Variants in DROSHA observed in about 807,000 individuals in gnomAD.
DROSHA encodes ribonuclease 3.
DROSHA carries 56 observed loss-of-function variants against 181.9 expected under a neutral mutation model. The ratio of observed to expected loss-of-function variants is 0.31; its 90% CI spans 0.25 to 0.38. The LOEUF (loss-of-function observed/expected upper bound fraction) is 0.38. Ranked by LOEUF, DROSHA falls within the 10% of genes least tolerant of loss-of-function variation. The pLI is 1.00. For synonymous variants in DROSHA, 524 were observed against 591.2 expected, an observed-to-expected ratio of 0.89 and a Z score of 1.65; for missense variants, 1,218 against 1,743.5, an observed-to-expected ratio of 0.70 and a Z score of 5.37.
At position 31,411,291 on chromosome 5, in the gene DROSHA, C is replaced by T. The variant is rs1741278063; in HGVS notation, c.3526-404G>A. 6.6e-6 allele frequency among the ~76,000 whole-genome samples: 1 copy of T among 152,122 alleles called. No individual in the cohort carries two copies. Among genetic ancestry groups the T allele is most frequent in the African/African-American group, 2.4e-5 (1 of 41,412 alleles). On this transcript the variant is annotated intron_variant, in intron 30 of 35. Transcript: ENST00000344624. This position sits in a 1 kb window ranked among gnomAD's most constrained non-coding sequence, Gnocchi z 4.2. Reference sequence around the variant, plus strand: ...AGTGTAACTTACATTCAATAAAATGCACCCATTTTCAGTGCACAGTTAGAT... The same window carrying T: ...AGTGTAACTTACATTCAATAAAATGTACCCATTTTCAGTGCACAGTTAGAT...
At chr5:31,449,764 A>G (rs1463052412) in intron 21 of DROSHA, among the ~76,000 whole-genome samples, 1 of 152,106 alleles carries the variant, frequency 6.6e-6, no homozygotes, top group Non-Finnish European at 1.5e-5. Context: ...GCATGGGAGC[A>G]CCATCTTTGT....
At chr5:31,501,953 A>G (rs1390517725) in intron 11 of DROSHA, among the ~76,000 whole-genome samples, 1 of 152,208 alleles carries the variant, frequency 6.6e-6, no homozygotes, top group Admixed American at 6.5e-5. Context: ...GATGTGAGAT[A>G]AACCCTACAA....
chr5:31,494,214 C>A (rs1056020840), intron 12 of DROSHA, among the ~76,000 whole-genome samples: 1 of 151,974 alleles, frequency 6.6e-6, no homozygotes, highest in South Asian at 2.1e-4. Flanking sequence ...GTGATCCACT[C>A]GCCTCGGCCT....
At chr5:31,448,688 TATCTC>T in intron 22 of DROSHA, 81 bp from the exon 23 acceptor site, 1 of 1,035,464 alleles carries the variant, frequency 9.7e-7, no homozygotes, top group Non-Finnish European at 1.5e-6. Context: ...AGAAAAAAAT[TATCTC>T]ATCTCAATGT....
chr5:31,447,515 C>G (rs1746457710), intron 23 of DROSHA, among the ~76,000 whole-genome samples: 1 of 152,042 alleles, frequency 6.6e-6, no homozygotes, highest in Admixed American at 6.5e-5. Context: ...CTCAGAATAG[C>G]TAAAACTTCA....
At chr5:31,497,674 CTCA>C (rs1399491523) in intron 11 of DROSHA, among the ~76,000 whole-genome samples, 20 of 152,250 alleles carry the variant, frequency 1.3e-4, no homozygotes, top group African/African-American at 4.6e-4. Context: ...CATTCACTCT[CTCA>C]TGATTCTCTC....
rs640831 is a variant in DROSHA, at chr5:31,459,328, T to A, written c.2574+4908A>T. ...GGGTTGCTTAAGCCCAGGAGTCCAA[T>A]GCAAAAAGGCCAGAGTGCACTATTA... On this transcript the variant is annotated intron_variant, in intron 20 of 35. Coordinates refer to ENST00000344624, the MANE Select transcript of DROSHA (RefSeq NM_001382508.1). 1.5e-4 allele frequency among the ~76,000 whole-genome samples: 22 copies of A among 150,588 alleles called. 1 individual carries two copies. Among genetic ancestry groups the A allele is most frequent in the South Asian group, 1.1e-3 (5 of 4,754 alleles).
rs1040697864 is a variant in DROSHA, at chr5:31,409,225, T to G, written c.3750+25A>C. On this transcript the variant is annotated intron_variant, in intron 32 of 35. Transcript: ENST00000344624. The surrounding 1 kb of genome is among the most constrained non-coding windows in gnomAD (Gnocchi z 4.0). ...AATCACCAAACATAAAGCAGACCACTAATTCAAACTTTATATGAGCTTACT... is the reference window on the plus strand; with the variant it reads ...AATCACCAAACATAAAGCAGACCACGAATTCAAACTTTATATGAGCTTACT... 3.7e-6 allele frequency: 6 copies of G among 1,602,774 alleles called. No homozygotes were observed. Among genetic ancestry groups the G allele is most frequent in the Non-Finnish European group, 5.1e-6 (6 of 1,174,066 alleles).
chr5:31,434,115 T>C (rs760407082), intron 25 of DROSHA, among the ~76,000 whole-genome samples: 7 of 152,212 alleles, frequency 4.6e-5, no homozygotes, highest in Non-Finnish European at 7.3e-5. Context: ...GAAGACCACA[T>C]AGAAATCCCT....
At chr5:31,481,144 C>T (rs1360926124) in intron 16 of DROSHA, among the ~76,000 whole-genome samples, 2 of 152,016 alleles carry the variant, frequency 1.3e-5, no homozygotes, top group African/African-American at 4.8e-5. Context: ...AACAAAGTCA[C>T]ATTATGAATA....
intron 17 of DROSHA, among the ~76,000 whole-genome samples, chr5:31,471,375 G>C (rs1217904673): frequency 6.6e-6 from 1 of 151,940 alleles, no homozygotes; most frequent in African/African-American, 2.4e-5. Flanking sequence ...TTATGAAACA[G>C]TAACACTAAT....
chr5:31,407,843 A>G (rs1431730834), intron 33 of DROSHA, among the ~76,000 whole-genome samples: 2 of 152,138 alleles, frequency 1.3e-5, no homozygotes, highest in Non-Finnish European at 2.9e-5. Context: ...TAGCATCCTC[A>G]TTTTATTTAT....
At chr5:31,510,993 A>T in intron 9 of DROSHA, 42 bp downstream of exon 9, 2 of 1,597,804 alleles carry the variant, frequency 1.3e-6, no homozygotes, top group Non-Finnish European at 1.7e-6. Context: ...GAATGAAGCT[A>T]TAATCGCAAG....
intron 23 of DROSHA, among the ~76,000 whole-genome samples, chr5:31,443,300 G>A (rs1368920520): frequency 6.6e-6 from 1 of 151,824 alleles, no homozygotes; most frequent in East Asian, 1.9e-4. Flanking sequence ...TTACAGGTGT[G>A]AGCCACCACA....
At position 31,437,305 on chromosome 5, in the gene DROSHA, T is replaced by C. The variant is rs369409443; in HGVS notation, c.2883-7A>G. On this transcript the variant is annotated splice_region_variant and splice_polypyrimidine_tract_variant and intron_variant, in intron 23 of 35. Coordinates refer to ENST00000344624, the MANE Select transcript of DROSHA (RefSeq NM_001382508.1). Reference sequence around the variant, plus strand: ...CCGTTCATTGTGGTTAATCCTACAATAGGAATTAAAAAGGTTACTTAATAC... The same window carrying C: ...CCGTTCATTGTGGTTAATCCTACAACAGGAATTAAAAAGGTTACTTAATAC... 1.3e-4 allele frequency: 204 copies of C among 1,565,434 alleles called. No homozygotes were observed. Among genetic ancestry groups the C allele is most frequent in the Non-Finnish European group, 1.6e-4 (190 of 1,154,400 alleles).
chr5:31,425,353 A>T (rs1433461693), intron 27 of DROSHA, among the ~76,000 whole-genome samples: 1 of 152,184 alleles, frequency 6.6e-6, no homozygotes, highest in Non-Finnish European at 1.5e-5. Context: ...AATATTTTTT[A>T]AAAGCATTTA....
intron 23 of DROSHA, among the ~76,000 whole-genome samples, chr5:31,441,060 G>C (rs1561164890): frequency 6.6e-6 from 1 of 151,494 alleles, no homozygotes; most frequent in Non-Finnish European, 1.5e-5. Context: ...AAAAAAGAGA[G>C]AGAGAAAGAG....
In DROSHA at chr5:31,470,103, TA is replaced by T. The variant is rs753536650; in HGVS notation, c.2241+1959del. Reference sequence around the variant, plus strand: ...TAAGCATATCTTCAGATAAACAGTATAAAAGAATTAACTTCAACACATTCCT... The same window carrying T: ...TAAGCATATCTTCAGATAAACAGTATAAAGAATTAACTTCAACACATTCCT... On this transcript the variant is annotated intron_variant, in intron 17 of 35. Transcript: ENST00000344624. This position sits in a 1 kb window ranked among gnomAD's most constrained non-coding sequence, Gnocchi z 4.0. 6.3e-4 allele frequency among the ~76,000 whole-genome samples: 96 copies of T among 152,298 alleles called. 1 individual carries two copies. The highest frequency in any genetic ancestry group is 1.2e-3 in the Non-Finnish European group (80 of 68,024).
In DROSHA at chr5:31,531,362, A is replaced by G. The variant is rs148410899; in HGVS notation, c.-174+88T>C. 430 of 152,458 alleles carry G rather than the reference A, an allele frequency of 2.8e-3. 1 individual carries two copies. The highest frequency in any genetic ancestry group is 5.2e-3 in the Non-Finnish European group (354 of 68,136). The allele number at this position is 152,458 out of a possible 1,614,324, so 9.4% of individuals were successfully genotyped here. On this transcript the variant is annotated intron_variant, in intron 2 of 35. Transcript: ENST00000344624. ...TTCAGTAGTTAGAAAATCTAAAAAT[A>G]CTAATCATGAAATTGACCTATTGAA...
Sources: gnomAD v4.1 joint callset for allele counts (sites outside exome capture counted in the v4.1 genomes callset) on GRCh38, gnomAD v4.1.1 for gene constraint, Gnocchi (gnomAD v3.1) non-coding constraint, MANE v1.5 for transcripts, NCBI Gene and HGNC (gene_info 2026-07-23, HGNC 2026-07-21) for gene names.